TENM3: variants seen among roughly 807,000 people sequenced by gnomAD.
TENM3 encodes teneurin-3.
Under a neutral mutation model 255.1 loss-of-function variants are expected in TENM3, and 63 were observed. The ratio of observed to expected loss-of-function variants is 0.25; its 90% CI spans 0.20 to 0.30. The LOEUF is 0.30. TENM3 is among the 10% of genes least tolerant of loss of function. The pLI is 1.00. For missense variants in TENM3, 2,929 were observed against 3,461.1 expected, an observed-to-expected ratio of 0.85 and a Z score of 3.86; for synonymous variants, 1,306 against 1,322.3, an observed-to-expected ratio of 0.99 and a Z score of 0.27.
At position 182,411,675 on chromosome 4, in the gene TENM3, T is replaced by C. The variant is rs575962517; in HGVS notation, c.511+64746T>C. On this transcript the variant is annotated intron_variant, in intron 3 of 27. Transcript: ENST00000511685. ...ACAGGAGGGGAGGGGCGTGGAACTT[T>C]TCCTTCTCCTAAATTCACTCTGCAA... Among the ~76,000 whole-genome samples the C allele has an allele frequency of 1.1e-4, 16 of 152,302 alleles. No homozygotes were observed. The South Asian group carries it at 3.3e-3, about 32-fold the overall frequency.
intron 3 of TENM3, among the ~76,000 whole-genome samples, chr4:182,565,863 C>T (rs1743744418): frequency 6.6e-6 from 1 of 152,116 alleles, no homozygotes; most frequent in Non-Finnish European, 1.5e-5. Context: ...TCTTTTTCAA[C>T]CTAAGACCAG....
chr4:182,719,492 C>T (rs1361482947), intron 13 of TENM3, among the ~76,000 whole-genome samples: 16 of 151,830 alleles, frequency 1.1e-4, no homozygotes, highest in Admixed American at 3.3e-4. Flanking sequence ...AACTCCTGAC[C>T]TTGTGATCCG....
At chr4:181,706,064 T>A in the TENM3 span, among the ~76,000 whole-genome samples, 3 of 152,124 alleles carry the variant, frequency 2.0e-5, no homozygotes, top group African/African-American at 7.2e-5. Flanking sequence ...CAGGTAGCAG[T>A]TTGAGATCAA....
At chr4:181,703,297 T>G in the TENM3 span, among the ~76,000 whole-genome samples, 8 of 152,236 alleles carry the variant, frequency 5.3e-5, no homozygotes, top group Admixed American at 3.3e-4. Context: ...TGTACTTGTC[T>G]ACTGTTAGAG....
chr4:181,610,483 A>G, the TENM3 span, among the ~76,000 whole-genome samples: 1 of 152,188 alleles, frequency 6.6e-6, no homozygotes, highest in African/African-American at 2.4e-5. Context: ...GCTTTTTAGC[A>G]TAGTTTCATG....
intron 1 of TENM3, among the ~76,000 whole-genome samples, chr4:182,268,573 A>G (rs1354864850): frequency 2.0e-5 from 3 of 152,174 alleles, no homozygotes; most frequent in African/African-American, 7.2e-5. Flanking sequence ...AAGGCATTCT[A>G]AGTCACAGAA....
chr4:181,606,392 C>A, the TENM3 span, among the ~76,000 whole-genome samples: 1 of 152,172 alleles, frequency 6.6e-6, no homozygotes, highest in Non-Finnish European at 1.5e-5. Flanking sequence ...TGCTTTCCAG[C>A]CCCAGGACCT....
At chr4:181,953,254 GCCA>G in the TENM3 span, among the ~76,000 whole-genome samples, 26,877 of 147,800 alleles carry the variant, frequency 0.18, 2,742 homozygotes, top group African/African-American at 0.28. Context: ...AATGATGATG[GCCA>G]CCACCACCAC....
At chr4:182,200,894 G>A (rs1312765030) in intron 1 of TENM3, among the ~76,000 whole-genome samples, 4 of 146,500 alleles carry the variant, frequency 2.7e-5, no homozygotes, top group Non-Finnish European at 5.9e-5. Context: ...GCGCGATCTC[G>A]GCTCACTGCA....
intron 1 of TENM3, among the ~76,000 whole-genome samples, chr4:182,165,979 C>T (rs1325548038): frequency 1.3e-5 from 2 of 152,066 alleles, no homozygotes; most frequent in Non-Finnish European, 2.9e-5. Flanking sequence ...GGGGTTTCAC[C>T]GCATTAGCCA....
chr4:182,377,907 A>T (rs1767285620), intron 3 of TENM3, among the ~76,000 whole-genome samples: 1 of 152,178 alleles, frequency 6.6e-6, no homozygotes, highest in Non-Finnish European at 1.5e-5. Flanking sequence ...AAATCTCTGT[A>T]GGTGAGTGAA....
intron 3 of TENM3, among the ~76,000 whole-genome samples, chr4:182,484,897 C>T (rs1734550893): frequency 6.6e-6 from 1 of 152,084 alleles, no homozygotes; most frequent in African/African-American, 2.4e-5. Flanking sequence ...ATATACACTA[C>T]TAAATTAATA....
At chr4:182,495,391 T>A (rs1580739723) in intron 3 of TENM3, among the ~76,000 whole-genome samples, 1 of 152,206 alleles carries the variant, frequency 6.6e-6, no homozygotes, top group African/African-American at 2.4e-5. Context: ...ACAGGGAAAA[T>A]GGTTTCAGAT....
chr4:181,640,487 T>C, the TENM3 span, among the ~76,000 whole-genome samples: 1 of 152,154 alleles, frequency 6.6e-6, no homozygotes, highest in South Asian at 2.1e-4. Context: ...AAGCCATCCT[T>C]TTCCTTATAC....
chr4:182,245,005 G>T (rs985743303), intron 1 of TENM3, among the ~76,000 whole-genome samples: 2 of 152,088 alleles, frequency 1.3e-5, no homozygotes, highest in Non-Finnish European at 2.9e-5. Context: ...TTAATCCTCT[G>T]CAGTGATACT....
chr4:182,316,494 C>A (rs1762756742), intron 1 of TENM3, among the ~76,000 whole-genome samples: 1 of 151,998 alleles, frequency 6.6e-6, no homozygotes, highest in Non-Finnish European at 1.5e-5. Flanking sequence ...TTGGTAATAT[C>A]TAGAAATATT....
intron 16 of TENM3, among the ~76,000 whole-genome samples, chr4:182,732,178 TAAACTC>T (rs144332841): frequency 0.28 from 42,050 of 151,796 alleles, 6,198 homozygotes; most frequent in African/African-American, 0.36. Context: ...AACTGTAGCT[TAAACTC>T]AATCACTAAT....
At chr4:181,727,349 ATCACTTTTATT>A in the TENM3 span, among the ~76,000 whole-genome samples, 7 of 152,208 alleles carry the variant, frequency 4.6e-5, no homozygotes, top group Non-Finnish European at 8.8e-5. Flanking sequence ...GAAGCTGTCT[ATCACTTTTATT>A]GCTTAGGAAC....
chr4:182,714,195 T>C lies in TENM3; in HGVS notation c.2330T>C (p.Met777Thr), dbSNP rs780875618. Reference sequence around the variant, plus strand: ...AGAGGAGCAGGCTGTGACGTAGCCATGGAGACTCTTTGCACAGATAGCAAG... The same window carrying C: ...AGAGGAGCAGGCTGTGACGTAGCCACGGAGACTCTTTGCACAGATAGCAAG... ...GWRGAGCDVA[M>T]ETLCTDSKDN... is the part of the protein sequence containing the mutation. The change falls in exon 13 of 28, where the codon ATG (methionine) becomes ACG (threonine). Residue 777 changes from methionine to threonine, a missense_variant. Around this residue, in one of 6 missense-constraint regions of TENM3, gnomAD observed 1,608 missense variants for 1,884.4 expected, o/e 0.85. Transcript: ENST00000511685. 1 of 1,613,264 alleles carries C rather than the reference T, an allele frequency of 6.2e-7. No homozygotes were observed. The highest frequency in any genetic ancestry group is 2.2e-5 in the East Asian group (1 of 44,846).
Sources: gnomAD v4.1 joint callset for allele counts (sites outside exome capture counted in the v4.1 genomes callset) on GRCh38, gnomAD v4.1.1 for gene constraint, gnomAD v4.1.1 regional missense constraint, MANE v1.5 for transcripts, NCBI Gene and HGNC (gene_info 2026-07-23, HGNC 2026-07-21) for gene names.